SAR1B: variants seen among roughly 807,000 people sequenced by gnomAD.
The protein encoded by SAR1B is secretion associated Ras related GTPase 1B, also known as small COPII coat GTPase SAR1B.
A neutral mutation model predicts 26.8 loss-of-function variants in SAR1B; 23 were observed. The ratio of observed to expected loss-of-function variants is 0.86; its 90% CI spans 0.62 to 1.22. The LOEUF is 1.22. Ranked by LOEUF, SAR1B falls within the 50% of genes most tolerant of loss-of-function variation. SAR1B has a pLI of 0.00. For missense variants in SAR1B, 196 were observed against 232.8 expected (o/e 0.84, Z 1.03); for synonymous variants, 65 against 80.8 (o/e 0.80, Z 1.05).
chr5:134,612,799 C>A, intron 3 of SAR1B, 43 bp from the exon 4 acceptor site: 4 of 1,538,822 alleles, frequency 2.6e-6, no homozygotes, highest in Non-Finnish European at 3.6e-6. Context: ...AATTAGAAAC[C>A]CATTAATCGT....
chr5:134,601,716 A>AC lies in SAR1B; in HGVS notation c.*5233dup, dbSNP rs1371659234. 6.6e-6 allele frequency: 1 copy of AC among 152,156 alleles called. No individual in the cohort carries two copies. The highest frequency in any genetic ancestry group is 2.4e-5 in the African/African-American group (1 of 41,426). 9.4% of individuals were successfully genotyped at this position (152,156 alleles called of 1,614,324 possible). On this transcript the variant is annotated 3_prime_UTR_variant, in exon 7 of 7. Transcript: ENST00000402673. Reference sequence around the variant, plus strand: ...AAAAACAGAACTGTTCCTGCCTTTCACCCCAAAATATTTAAAACTAAATCT... The same window carrying AC: ...AAAAACAGAACTGTTCCTGCCTTTCACCCCCAAAATATTTAAAACTAAATCT...
chr5:134,613,068 G>A (rs1435738028), intron 3 of SAR1B: 2 of 361,186 alleles, frequency 5.5e-6, no homozygotes, highest in Non-Finnish European at 1.0e-5. Flanking sequence ...ATTTGAAGGT[G>A]TTTTTACCTT....
chr5:134,609,447 C>G (rs1009307192), intron 5 of SAR1B, 124 bp downstream of exon 5: 1 of 770,090 alleles, frequency 1.3e-6, no homozygotes, highest in Non-Finnish European at 2.3e-6. Context: ...CTGAGCTCAA[C>G]AAATTGCCAA....
At chr5:134,627,576 AT>A (rs1765514778) in intron 1 of SAR1B, among the ~76,000 whole-genome samples, 2 of 148,586 alleles carry the variant, frequency 1.3e-5, no homozygotes, top group Non-Finnish European at 3.0e-5. Context: ...AGGCGGGCGG[AT>A]CACGAGGTCA....
intron 1 of SAR1B, chr5:134,631,506 T>G (rs1420199573): frequency 6.6e-6 from 1 of 152,224 alleles, no homozygotes; most frequent in Non-Finnish European, 1.5e-5. Flanking sequence ...TTTCATTGTT[T>G]CAATGTGACC....
Position 134,605,529 on chromosome 5 carries a change from G to C in SAR1B, c.*1421C>G, listed in dbSNP as rs1300064466. 1 of 151,972 alleles carries C rather than the reference G, an allele frequency of 6.6e-6. No individual in the cohort carries two copies. The highest frequency in any genetic ancestry group is 2.4e-5 in the African/African-American group (1 of 41,388). 9.4% of individuals were successfully genotyped at this position (151,972 alleles called of 1,614,324 possible). A position where few individuals can be genotyped will look rare whatever the true frequency, so the allele number is the denominator to read the frequency against. On this transcript the variant is annotated 3_prime_UTR_variant, in exon 7 of 7. Coordinates refer to ENST00000402673, the MANE Select transcript of SAR1B (RefSeq NM_016103.4). ...TATCTAAAAACAAAAGTCAGGTCAG[G>C]CATGGTAGCTCACGCCTATAATCCC...
rs373250763 is a variant in SAR1B at position 134,607,084 on chromosome 5, C to A, written c.481-18G>T. On this transcript the variant is annotated intron_variant, in intron 6 of 6. Coordinates refer to ENST00000402673, the MANE Select transcript of SAR1B (RefSeq NM_016103.4). ...ATACTCCCCTAGAATAGAAGAGAGA[C>A]ATTTCGTTGGAATTTTATAAAATTA... The A allele has an allele frequency of 1.4e-5, 20 of 1,473,942 alleles. No individual in the cohort carries two copies. The highest frequency in any genetic ancestry group is 3.4e-4 in the Middle Eastern group (2 of 5,834). The allele number at this position is 1,473,942 out of a possible 1,614,324, so 91.3% of individuals were successfully genotyped here.
intron 5 of SAR1B, chr5:134,608,848 A>G: frequency 2.7e-6 from 1 of 375,898 alleles, no homozygotes. Context: ...CTGAAGCTCT[A>G]GAGAGAATTA....
rs756900015 is a variant in SAR1B at position 134,612,732 on chromosome 5, CCAGCAATGGT to C, written c.193_202del (p.Thr65AlafsTer2). Reference sequence around the variant, plus strand: ...CAGATCAAAAGTTGTAAACGTCATGCCAGCAATGGTCAGTTCTTCGGAAGCTAAATAAGAT... The same window carrying C: ...CAGATCAAAAGTTGTAAACGTCATGCCAGTTCTTCGGAAGCTAAATAAGAT... On this transcript the variant is annotated frameshift_variant, in exon 4 of 7. Coordinates refer to ENST00000402673, the MANE Select transcript of SAR1B (RefSeq NM_016103.4). LOFTEE classifies it high-confidence loss of function. 1 of 1,562,124 alleles carries C rather than the reference CCAGCAATGGT, an allele frequency of 6.4e-7. No individual in the cohort carries two copies. The highest frequency in any genetic ancestry group is 1.8e-5 in the Admixed American group (1 of 56,920).
chr5:134,617,077 A>T (rs112883034), intron 3 of SAR1B, among the ~76,000 whole-genome samples: 6,295 of 152,136 alleles, frequency 0.041, 407 homozygotes, highest in African/African-American at 0.14. Flanking sequence ...CAAATAAATT[A>T]AAAAATTAGC....
chr5:134,630,041 T>C (rs1765572841), intron 1 of SAR1B, among the ~76,000 whole-genome samples: 1 of 152,026 alleles, frequency 6.6e-6, no homozygotes, highest in Non-Finnish European at 1.5e-5. Context: ...GGCAGGCAGA[T>C]CACTTGAGGT....
At chr5:134,624,827 C>T (rs546762605) in intron 1 of SAR1B, among the ~76,000 whole-genome samples, 4 of 152,032 alleles carry the variant, frequency 2.6e-5, no homozygotes, top group South Asian at 4.1e-4. Flanking sequence ...TGGGCTTCAC[C>T]GTATTGGCCA....
chr5:134,632,692 C>A (rs1765629520), intron 1 of SAR1B, 36 bp downstream of exon 1: 1 of 152,476 alleles, frequency 6.6e-6, no homozygotes, highest in South Asian at 2.1e-4. Flanking sequence ...TAGCTGCTGC[C>A]CACCGGTCCT....
At chr5:134,613,606 G>A (rs1297870652) in intron 3 of SAR1B, 1 of 152,082 alleles carries the variant, frequency 6.6e-6, no homozygotes, top group Non-Finnish European at 1.5e-5. Flanking sequence ...TCTTCCTGCT[G>A]AAAATGTTAA....
chr5:134,619,218 C>G (rs1685290445), intron 3 of SAR1B, among the ~76,000 whole-genome samples: 1 of 150,710 alleles, frequency 6.6e-6, no homozygotes, highest in African/African-American at 2.4e-5. Flanking sequence ...GTAATCTGAG[C>G]TACTTGGGAG....
chr5:134,608,984 T>C (rs1765172685), intron 5 of SAR1B: 1 of 418,290 alleles, frequency 2.4e-6, no homozygotes, highest in East Asian at 7.1e-5. Flanking sequence ...ACCTGGACTT[T>C]TCCACACGTA....
At chr5:134,608,304 A>G in intron 6 of SAR1B, 68 bp downstream of exon 6, 1 of 1,449,318 alleles carries the variant, frequency 6.9e-7, no homozygotes, top group Non-Finnish European at 9.4e-7. Flanking sequence ...GTTGGACAAT[A>G]GTAATTTAAG....
chr5:134,626,298 C>CAAAAAAAAAA (rs35668627), intron 1 of SAR1B, among the ~76,000 whole-genome samples: 1 of 53,114 alleles, frequency 1.9e-5, no homozygotes, highest in African/African-American at 6.1e-5. Context: ...GACTCTGCCT[C>CAAAAAAAAAA]AAAAAAAAAA....
intron 3 of SAR1B, among the ~76,000 whole-genome samples, chr5:134,619,434 A>G (rs1299433304): frequency 6.6e-6 from 1 of 151,768 alleles, no homozygotes; most frequent in Non-Finnish European, 1.5e-5. Flanking sequence ...ATCATAGCTC[A>G]GTGAAGCCTT....
Sources: allele counts gnomAD v4.1 joint callset (sites outside exome capture counted in the v4.1 genomes callset), GRCh38; gene constraint gnomAD v4.1.1; transcripts MANE v1.5; gene names NCBI Gene and HGNC (gene_info 2026-07-23, HGNC 2026-07-21).